TUBGCP5: variants seen among roughly 807,000 people sequenced by gnomAD.
TUBGCP5 encodes the protein gamma-tubulin complex component 5.
A neutral mutation model predicts 134.7 loss-of-function variants in TUBGCP5; 98 were observed. The ratio of observed to expected loss-of-function variants is 0.73; its 90% CI spans 0.62 to 0.86. The LOEUF (loss-of-function observed/expected upper bound fraction) is 0.86. Ranked by LOEUF, TUBGCP5 falls within the 40% of genes least tolerant of loss-of-function variation. The pLI is 0.00. For synonymous variants in TUBGCP5, 456 were observed against 431.4 expected (o/e 1.06, Z -0.71); for missense variants, 1,150 against 1,244.8 (o/e 0.92, Z 1.15).
chr15:23,000,324 A>G, intron 22 of TUBGCP5: 1 of 1,275,344 alleles, frequency 7.8e-7, no homozygotes, highest in Non-Finnish European at 9.9e-7. Context: ...AACTTTATTT[A>G]ATAGGAGTTT....
rs750464984 is a variant in TUBGCP5 at position 23,024,183 on chromosome 15, C to T, written c.932G>A (p.Arg311Gln). ...TGCTGCTATTTGTTCCAGCACAGAT[C>T]GTAAACAGCTCTACAACACAAGCAA... Reference protein sequence around the residue: ...IVTHLTHSCLRSVLEQIAAYG... With the variant: ...IVTHLTHSCLQSVLEQIAAYG... The change falls in exon 10 of 23, where the codon CGA (arginine) becomes CAA (glutamine). Residue 311 changes from arginine to glutamine, a missense_variant. Around this residue, in one of 2 missense-constraint regions of TUBGCP5, gnomAD observed 453 missense variants for 394.7 expected, o/e 1.15. Transcript: ENST00000615383. 5 of 1,613,644 alleles carry T rather than the reference C, an allele frequency of 3.1e-6. No homozygotes were observed. The highest frequency in any genetic ancestry group is 1.7e-5 in the Admixed American group (1 of 59,954).
At chr15:22,988,399 A>G (rs970026691) in intron 23 of TUBGCP5, among the ~76,000 whole-genome samples, 1 of 151,866 alleles carries the variant, frequency 6.6e-6, no homozygotes, top group Non-Finnish European at 1.5e-5. Flanking sequence ...GCTGCCTTGA[A>G]TTTTGGCCTT....
At chr15:23,007,602 C>CTGGA (rs2140442482) in intron 16 of TUBGCP5, among the ~76,000 whole-genome samples, 1 of 152,248 alleles carries the variant, frequency 6.6e-6, no homozygotes, top group Non-Finnish European at 1.5e-5. Context: ...GGCCCATGAA[C>CTGGA]TGGAGACTAT....
chr15:23,008,609 G>A (rs754044108), intron 16 of TUBGCP5, 90 bp downstream of exon 16: 26 of 1,411,360 alleles, frequency 1.8e-5, no homozygotes, highest in Admixed American at 5.2e-5. Flanking sequence ...GGAATAGTGA[G>A]GATAAAATAA....
At chr15:23,026,237 A>G in intron 7 of TUBGCP5, 32 bp from the exon 8 acceptor site, 1 of 1,571,056 alleles carries the variant, frequency 6.4e-7, no homozygotes, top group Non-Finnish European at 8.8e-7. Context: ...TGTCAATAGA[A>G]AGGTTTCTAA....
rs1243914414 is a variant in TUBGCP5, at chr15:23,024,012, A to G, written c.1103T>C (p.Leu368Pro). Reference protein sequence around the residue: ...FRTYQAFMWALYKYFISFKEE... With the variant: ...FRTYQAFMWAPYKYFISFKEE... ...TTTGAAACTAATGAAATATTTGTAC[A>G]GGGCCCACATGAAAGCCTGGTAGGT... The change falls in exon 10 of 23, where the codon CTG becomes CCG. Residue 368 changes from leucine (L) to proline (P), a missense_variant. Physicochemically the swap from Leu to Pro is moderately conservative, Grantham distance 98. Coordinates refer to ENST00000615383, the MANE Select transcript of TUBGCP5 (RefSeq NM_052903.6). 6.2e-7 allele frequency: 1 copy of G among 1,613,996 alleles called. No homozygotes were observed. The highest frequency in any genetic ancestry group is 8.5e-7 in the Non-Finnish European group (1 of 1,179,986).
At chr15:22,985,136 ATTCTAC>A (rs2063640778) in intron 23 of TUBGCP5, among the ~76,000 whole-genome samples, 1 of 152,204 alleles carries the variant, frequency 6.6e-6, no homozygotes, top group African/African-American at 2.4e-5. Context: ...TATGATGGTA[ATTCTAC>A]TTCTAAGTAT....
chr15:23,039,533 T>A lies in TUBGCP5; in HGVS notation c.11A>T (p.His4Leu). 4.1e-6 allele frequency: 6 copies of A among 1,475,906 alleles called. No individual in the cohort carries two copies. Among genetic ancestry groups the A allele is most frequent in the Non-Finnish European group, 5.4e-6 (6 of 1,101,202 alleles). The allele number at this position is 1,475,906 out of a possible 1,614,324, so 91.4% of individuals were successfully genotyped here. A position where few individuals can be genotyped will look rare whatever the true frequency, so the allele number is the denominator to read the frequency against. Residue 4 changes from histidine to leucine, a missense_variant, in exon 1 of 23, where the codon CAC (histidine) becomes CTC (leucine). Coordinates refer to ENST00000615383, the MANE Select transcript of TUBGCP5 (RefSeq NM_052903.6). ...GTCCAACCGACTCCACGGTGGCCCG[T>A]GCCGCGCCATGTTCCGCGCTCCTGC... Reference protein sequence around the residue: MARHGPPWSRLDAQ... With the variant: MARLGPPWSRLDAQ...
At chr15:23,008,326 G>A (rs756939481) in intron 16 of TUBGCP5, 34 of 273,080 alleles carry the variant, frequency 1.2e-4, no homozygotes, top group Non-Finnish European at 2.2e-4. Flanking sequence ...GAGTGCAGTG[G>A]CATGATCTTG....
At position 23,017,934 on chromosome 15, in the gene TUBGCP5, C is replaced by T. The variant is rs781279214; in HGVS notation, c.1595G>A (p.Ser532Asn). ...ENEEKMSDNA[S>N]ASSGSDQGPS... ...CCCCTGGTCACTGCCGGAACTCGCA[C>T]TAGCGTTATCACTCATTTTTTCTTC... Residue 532 changes from serine to asparagine, a missense_variant, in exon 13 of 23, where the codon AGT becomes AAT. By Grantham distance (46) the Ser-to-Asn change is conservative. This residue lies in a region of TUBGCP5 where 697 missense variants were observed against 850.1 expected (regional missense o/e 0.82). Transcript: ENST00000615383. The T allele has an allele frequency of 5.0e-6, 8 of 1,614,216 alleles. No individual in the cohort carries two copies. Among genetic ancestry groups the T allele is most frequent in the South Asian group, 1.1e-5 (1 of 91,084 alleles).
At chr15:23,016,350 C>T (rs1290692500) in intron 13 of TUBGCP5, among the ~76,000 whole-genome samples, 5 of 151,952 alleles carry the variant, frequency 3.3e-5, no homozygotes, top group African/African-American at 4.8e-5. Context: ...AAAAATCAGC[C>T]GGGTGTGGTG....
At chr15:23,000,176 G>A in intron 22 of TUBGCP5, 1 of 875,116 alleles carries the variant, frequency 1.1e-6, no homozygotes, top group East Asian at 3.9e-5. Context: ...CAAAGGGCTG[G>A]GATTAGAGGC....
intron 22 of TUBGCP5, chr15:23,000,316 CTTTA>C (rs2064297417): frequency 1.6e-6 from 2 of 1,274,698 alleles, no homozygotes; most frequent in Non-Finnish European, 9.9e-7. Flanking sequence ...CTGCCATCAA[CTTTA>C]TTTAATAGGA....
chr15:22,998,637 C>T (rs1281609870), downstream of TUBGCP5, among the ~76,000 whole-genome samples: 11 of 147,876 alleles, frequency 7.4e-5, no homozygotes, highest in Non-Finnish European at 1.3e-4. Flanking sequence ...TTTTTTTTTT[C>T]GGAGTCTTGC....
At chr15:23,037,180 G>A (rs1203194929) in intron 1 of TUBGCP5, 28 bp from the exon 2 acceptor site, 1 of 1,608,904 alleles carries the variant, frequency 6.2e-7, no homozygotes, top group Admixed American at 1.7e-5. Context: ...CAATTCTTAT[G>A]CCAACTCTGT....
At position 23,019,259 on chromosome 15, in the gene TUBGCP5, C is replaced by T. The variant is rs1458103118; in HGVS notation, c.1447G>A (p.Gly483Arg). The change falls in exon 12 of 23, where the codon GGG becomes AGG. Residue 483 changes from glycine to arginine, a missense_variant. Transcript: ENST00000615383. ...LQTVDEWIVH[G>R]HLWDGAREFI... is the part of the protein sequence containing the mutation. ...TCCCTGGCGCCATCCCACAGGTGCC[C>T]GTGCACGATCCACTCGTCCACCGTC... is the stretch of plus-strand genomic sequence containing the variant. 5 of 1,613,880 alleles carry T rather than the reference C, an allele frequency of 3.1e-6. No individual in the cohort carries two copies. The highest frequency in any genetic ancestry group is 1.3e-5 in the African/African-American group (1 of 74,896).
intron 13 of TUBGCP5, among the ~76,000 whole-genome samples, chr15:23,016,122 A>G (rs747134284): frequency 6.6e-6 from 1 of 152,256 alleles, no homozygotes; most frequent in Admixed American, 6.5e-5. Flanking sequence ...ACACTCAACA[A>G]AATCAGGAAA....
intron 21 of TUBGCP5, among the ~76,000 whole-genome samples, chr15:23,001,544 T>A (rs562875635): frequency 6.6e-6 from 1 of 152,230 alleles, no homozygotes; most frequent in East Asian, 1.9e-4. Context: ...AGTTTCTCCA[T>A]GTTGGTCAGG....
chr15:22,984,206 G>A (rs1239661391), intron 23 of TUBGCP5, among the ~76,000 whole-genome samples: 2 of 152,222 alleles, frequency 1.3e-5, no homozygotes, highest in African/African-American at 4.8e-5. Flanking sequence ...AGCCAATGAA[G>A]AATTATCTAT....
Sources: allele counts gnomAD v4.1 joint callset (sites outside exome capture counted in the v4.1 genomes callset), GRCh38; gene constraint gnomAD v4.1.1; regional missense constraint gnomAD v4.1.1; transcripts MANE v1.5; gene names NCBI Gene and HGNC (gene_info 2026-07-23, HGNC 2026-07-21).